The following MYO5A variants were observed in gnomAD, a reference collection of about 807,000 sequenced individuals.
MYO5A encodes the protein unconventional myosin-Va.
MYO5A carries 98 observed loss-of-function variants against 249.7 expected under a neutral mutation model. That is an observed-to-expected ratio of 0.39 (90% CI 0.33 to 0.46). MYO5A has a LOEUF of 0.46. Among genes scored for constraint, MYO5A ranks in the 20% least tolerant of loss-of-function variants. The pLI is 0.98. For synonymous variants in MYO5A, 778 were observed against 810.6 expected, an observed-to-expected ratio of 0.96 and a Z score of 0.68; for missense variants, 1,696 against 2,308.8, an observed-to-expected ratio of 0.73 and a Z score of 5.44.
rs2037748400 is a variant in MYO5A at position 52,310,734 on chromosome 15, G to A, written c.*2962C>T. Reference sequence around the variant, plus strand: ...TGAGTAGGGGAAAGGCTGGCAGGGTGTGTCTGAAGTTGGGTGAGAAAGTGT... The same window carrying A: ...TGAGTAGGGGAAAGGCTGGCAGGGTATGTCTGAAGTTGGGTGAGAAAGTGT... On this transcript the variant is annotated 3_prime_UTR_variant, in exon 42 of 42. Coordinates refer to ENST00000399233, the MANE Select transcript of MYO5A (RefSeq NM_001382347.1). 6.6e-6 allele frequency: 1 copy of A among 152,540 alleles called. No homozygotes were observed. The highest frequency in any genetic ancestry group is 1.9e-4 in the East Asian group (1 of 5,188). 9.4% of individuals were successfully genotyped at this position (152,540 alleles called of 1,614,324 possible). A position where few individuals can be genotyped will look rare whatever the true frequency, so the allele number is the denominator to read the frequency against.
chr15:52,516,516 C>G (rs955587133), intron 1 of MYO5A, among the ~76,000 whole-genome samples: 22 of 152,202 alleles, frequency 1.4e-4, no homozygotes, highest in African/African-American at 4.6e-4. Context: ...ATGTCTAAGG[C>G]TCCACACAAT....
intron 36 of MYO5A, among the ~76,000 whole-genome samples, chr15:52,325,734 T>C (rs2038571922): frequency 6.6e-6 from 1 of 151,960 alleles, no homozygotes; most frequent in South Asian, 2.1e-4. Context: ...ACAAATACAA[T>C]TTGAACACTA....
At chr15:52,390,420 T>A (rs1374754310) in intron 12 of MYO5A, among the ~76,000 whole-genome samples, 65 of 152,036 alleles carry the variant, frequency 4.3e-4, no homozygotes, top group Admixed American at 4.2e-3. Context: ...AAATTAAATT[T>A]AAAAAATTCT....
intron 1 of MYO5A, among the ~76,000 whole-genome samples, chr15:52,521,306 T>A (rs1273486237): frequency 6.6e-6 from 1 of 152,074 alleles, no homozygotes; most frequent in Admixed American, 6.5e-5. Context: ...ACACCTTTAA[T>A]CTGTCTAGCC....
At chr15:52,331,002 A>G (rs2038862496) in intron 34 of MYO5A, among the ~76,000 whole-genome samples, 1 of 152,230 alleles carries the variant, frequency 6.6e-6, no homozygotes, top group African/African-American at 2.4e-5. Flanking sequence ...ATGTATCATT[A>G]CAATCAATTC....
At chr15:52,336,380 A>G in intron 34 of MYO5A, 83 bp downstream of exon 34, 1 of 906,950 alleles carries the variant, frequency 1.1e-6, no homozygotes, top group Non-Finnish European at 1.8e-6. Flanking sequence ...GCAAACCTCT[A>G]TTAGGCCACT....
chr15:52,492,567 G>A (rs1237561717), intron 1 of MYO5A, among the ~76,000 whole-genome samples: 1 of 152,162 alleles, frequency 6.6e-6, no homozygotes, highest in East Asian at 1.9e-4. Flanking sequence ...ACAAAGCTTA[G>A]GTACAGTACA....
chr15:52,372,425 C>A, intron 20 of MYO5A, 62 bp from the exon 21 acceptor site: 4 of 1,587,386 alleles, frequency 2.5e-6, no homozygotes, highest in Non-Finnish European at 3.4e-6. Flanking sequence ...GATTATCAAT[C>A]TATGTCGGGC....
chr15:52,403,461 T>C (rs546875016), intron 9 of MYO5A, among the ~76,000 whole-genome samples: 222 of 152,308 alleles, frequency 1.5e-3, no homozygotes, highest in African/African-American at 5.1e-3. Flanking sequence ...AAACCACATA[T>C]TATATGATTC....
intron 1 of MYO5A, among the ~76,000 whole-genome samples, chr15:52,494,730 T>G (rs2077003531): frequency 1.3e-5 from 2 of 152,144 alleles, no homozygotes; most frequent in South Asian, 4.1e-4. Flanking sequence ...TGACCTCAGG[T>G]GATCCACCCA....
intron 1 of MYO5A, among the ~76,000 whole-genome samples, chr15:52,441,174 T>G (rs1032854107): frequency 2.0e-5 from 3 of 152,154 alleles, no homozygotes. Context: ...ACTACTATTC[T>G]AAAAGCACAT....
chr15:52,428,379 G>C lies in MYO5A; in HGVS notation c.310+19C>G, dbSNP rs1043806724. The C allele has an allele frequency of 1.9e-6, 3 of 1,608,972 alleles. No individual in the cohort carries two copies. The African/African-American group carries it at 4.0e-5, about 22-fold the overall frequency. ...GAGGAAAGAGTCCACAGTCTATTCG[G>C]AAAGCAAAGCATACTTACCACAATA... On this transcript the variant is annotated intron_variant, in intron 3 of 41. Transcript: ENST00000399233.
chr15:52,426,093 A>G, intron 3 of MYO5A, 119 bp from the exon 4 acceptor site: 1 of 884,078 alleles, frequency 1.1e-6, no homozygotes, highest in Non-Finnish European at 1.8e-6. Flanking sequence ...TTTAGTTAAT[A>G]TTAAACCAAT....
intron 27 of MYO5A, 149 bp from the exon 28 acceptor site, chr15:52,351,630 C>T (rs953243265): frequency 2.6e-6 from 2 of 756,048 alleles, no homozygotes; most frequent in African/African-American, 3.5e-5. Flanking sequence ...TGCCAGGAGC[C>T]CTGCTTTGCA....
chr15:52,340,320 T>C lies in MYO5A; in HGVS notation c.4115A>G (p.Gln1372Arg). Residue 1372 changes from glutamine (Q) to arginine (R), a missense_variant, in exon 32 of 42, where the codon CAG (glutamine) becomes CGG (arginine). This residue lies in a region of MYO5A where 625 missense variants were observed against 908.1 expected (regional missense o/e 0.69). Coordinates refer to ENST00000399233, the MANE Select transcript of MYO5A (RefSeq NM_001382347.1). Reference sequence around the variant, plus strand: ...TCGGTTGTTCTCCTCCTTCAGGCTCTGGATCTCCCCACGGAGGGCCTCGGC... The same window carrying C: ...TCGGTTGTTCTCCTCCTTCAGGCTCCGGATCTCCCCACGGAGGGCCTCGGC... Reference protein sequence around the residue: ...NEAEALRGEIQSLKEENNRQQ... With the variant: ...NEAEALRGEIRSLKEENNRQQ... 6.2e-7 allele frequency: 1 copy of C among 1,614,056 alleles called. No homozygotes were observed. Among genetic ancestry groups the C allele is most frequent in the Non-Finnish European group, 8.5e-7 (1 of 1,180,026 alleles).
chr15:52,393,498 A>C (rs1325732909), intron 11 of MYO5A, among the ~76,000 whole-genome samples: 1 of 151,602 alleles, frequency 6.6e-6, no homozygotes, highest in Non-Finnish European at 1.5e-5. Flanking sequence ...GGTTCAAGCG[A>C]TTCTCCTGAT....
intron 25 of MYO5A, among the ~76,000 whole-genome samples, chr15:52,355,690 T>C (rs1198215857): frequency 1.3e-5 from 2 of 152,266 alleles, no homozygotes; most frequent in Non-Finnish European, 2.9e-5. Context: ...TAATGCTATA[T>C]TTACATAGCT....
chr15:52,433,511 C>G (rs2141308535), intron 1 of MYO5A, among the ~76,000 whole-genome samples: 1 of 149,302 alleles, frequency 6.7e-6, no homozygotes, highest in South Asian at 2.1e-4. Flanking sequence ...ACCTCTGCCT[C>G]CTGGGTTCAA....
At chr15:52,388,194 C>T (rs1245587779) in intron 13 of MYO5A, among the ~76,000 whole-genome samples, 1 of 152,166 alleles carries the variant, frequency 6.6e-6, no homozygotes, top group African/African-American at 2.4e-5. Flanking sequence ...ATCCTCTTCT[C>T]CCATGCTGGC....
Sources: allele counts gnomAD v4.1 joint callset (sites outside exome capture counted in the v4.1 genomes callset), GRCh38; gene constraint gnomAD v4.1.1; regional missense constraint gnomAD v4.1.1; transcripts MANE v1.5; gene names NCBI Gene and HGNC (gene_info 2026-07-23, HGNC 2026-07-21).